RIT2: variants seen among roughly 807,000 people sequenced by gnomAD.
RIT2 encodes the protein Ras like without CAAX 2.
A neutral mutation model predicts 23.7 loss-of-function variants in RIT2; 24 were observed. The ratio of observed to expected loss-of-function variants is 1.01; its 90% CI spans 0.73 to 1.43. The LOEUF (loss-of-function observed/expected upper bound fraction) is 1.43, where lower values mean the gene tolerates loss of function less well. Among genes scored for constraint, RIT2 ranks in the 40% most tolerant of loss-of-function variants. The pLI is 0.00. For synonymous variants in RIT2, 107 were observed against 91.1 expected, an observed-to-expected ratio of 1.17 and a Z score of -0.99; for missense variants, 236 against 266.9, an observed-to-expected ratio of 0.88 and a Z score of 0.81.
chr18:43,039,616 G>A (rs1216827184), intron 1 of RIT2, among the ~76,000 whole-genome samples: 2 of 152,022 alleles, frequency 1.3e-5, no homozygotes, highest in South Asian at 2.1e-4. Context: ...CCAAAATGCT[G>A]GGATTACAGG....
At chr18:43,030,742 A>C (rs146298386) in intron 2 of RIT2, among the ~76,000 whole-genome samples, 1 of 152,216 alleles carries the variant, frequency 6.6e-6, no homozygotes, top group African/African-American at 2.4e-5. Flanking sequence ...TGAGTGGTTT[A>C]ATGTAGAAGT....
intron 4 of RIT2, among the ~76,000 whole-genome samples, chr18:42,772,839 T>C (rs185522792): frequency 5.8e-4 from 89 of 152,266 alleles, no homozygotes; most frequent in Non-Finnish European, 5.1e-4. Flanking sequence ...CCTGGGGTAG[T>C]TGGAAATGAT....
intron 3 of RIT2, among the ~76,000 whole-genome samples, chr18:42,962,254 C>T (rs1270102694): frequency 6.6e-6 from 1 of 152,084 alleles, no homozygotes; most frequent in East Asian, 1.9e-4. Context: ...TTGCATTTTA[C>T]TATTAATGGA....
intron 3 of RIT2, among the ~76,000 whole-genome samples, chr18:42,945,380 G>T (rs1598725532): frequency 6.6e-6 from 1 of 151,650 alleles, no homozygotes; most frequent in East Asian, 1.9e-4. Context: ...TCCCATGTGA[G>T]TGAAAATGTT....
At chr18:42,994,625 G>A (rs557363274) in intron 2 of RIT2, among the ~76,000 whole-genome samples, 1 of 152,210 alleles carries the variant, frequency 6.6e-6, no homozygotes, top group South Asian at 2.1e-4. Flanking sequence ...CACAGCCGAA[G>A]TGCAGGGCTG....
At chr18:42,895,019 G>C (rs1908285851) in intron 4 of RIT2, among the ~76,000 whole-genome samples, 1 of 152,202 alleles carries the variant, frequency 6.6e-6, no homozygotes, top group Non-Finnish European at 1.5e-5. Flanking sequence ...AGTATCAGTA[G>C]AGGGAGAAAG....
chr18:42,898,001 G>A (rs1568024648), intron 4 of RIT2, among the ~76,000 whole-genome samples: 1 of 152,196 alleles, frequency 6.6e-6, no homozygotes, highest in Non-Finnish European at 1.5e-5. Flanking sequence ...AGAGGTAGAG[G>A]AGGGTGAAAT....
chr18:42,924,462 C>T (rs914251743), intron 3 of RIT2, among the ~76,000 whole-genome samples: 11 of 151,802 alleles, frequency 7.2e-5, no homozygotes, highest in Non-Finnish European at 1.2e-4. Flanking sequence ...TACAACTTCT[C>T]GGTGACTGAA....
At chr18:43,075,759 C>T (rs1912999068) in intron 1 of RIT2, among the ~76,000 whole-genome samples, 1 of 152,118 alleles carries the variant, frequency 6.6e-6, no homozygotes, top group South Asian at 2.1e-4. Flanking sequence ...TTCATTCTGG[C>T]TCCCCCTCTT....
intron 4 of RIT2, among the ~76,000 whole-genome samples, chr18:42,804,222 A>G (rs1394661795): frequency 6.6e-6 from 1 of 152,206 alleles, no homozygotes; most frequent in Non-Finnish European, 1.5e-5. Flanking sequence ...TACAAGAAAG[A>G]ACATTCACTC....
intron 3 of RIT2, among the ~76,000 whole-genome samples, chr18:42,950,810 C>T (rs1377018967): frequency 6.6e-6 from 1 of 151,274 alleles, no homozygotes; most frequent in African/African-American, 2.4e-5. Context: ...GAAAAAAATG[C>T]TCCACATCAC....
At chr18:43,058,867 G>A (rs1465980371) in intron 1 of RIT2, among the ~76,000 whole-genome samples, 2 of 151,922 alleles carry the variant, frequency 1.3e-5, no homozygotes, top group East Asian at 1.9e-4. Flanking sequence ...CCAGCCTAAG[G>A]GTACAGAGTG....
chr18:43,102,347 G>C (rs891515317), intron 1 of RIT2, among the ~76,000 whole-genome samples: 9 of 151,954 alleles, frequency 5.9e-5, no homozygotes, highest in African/African-American at 2.2e-4. Flanking sequence ...AGAACCATGG[G>C]GGTAAACAAT....
rs373874872 is a variant in RIT2 at position 42,989,925 on chromosome 18, GA to G, written c.161-15779del. 2.5e-3 allele frequency among the ~76,000 whole-genome samples: 387 copies of G among 152,002 alleles called. 1 individual carries two copies. The highest frequency in any genetic ancestry group is 8.8e-3 in the African/African-American group (364 of 41,444). On this transcript the variant is annotated intron_variant, in intron 2 of 4. Coordinates refer to ENST00000326695, the MANE Select transcript of RIT2 (RefSeq NM_002930.4). Reference sequence around the variant, plus strand: ...CTAGTCAGGGTTATCCAGAGAAACAGAACAAGTAAGATAGATATATGTACAC... The same window carrying G: ...CTAGTCAGGGTTATCCAGAGAAACAGACAAGTAAGATAGATATATGTACAC...
At chr18:42,975,722 C>T (rs2077193629) in intron 2 of RIT2, among the ~76,000 whole-genome samples, 1 of 151,982 alleles carries the variant, frequency 6.6e-6, no homozygotes, top group Admixed American at 6.6e-5. Flanking sequence ...TCTGGGGCTC[C>T]ACTACAGTTT....
At chr18:42,782,907 G>A (rs1385954082) in intron 4 of RIT2, among the ~76,000 whole-genome samples, 1 of 151,994 alleles carries the variant, frequency 6.6e-6, no homozygotes, top group African/African-American at 2.4e-5. Flanking sequence ...ATCATTACTA[G>A]GGAGTCTGGA....
intron 4 of RIT2, among the ~76,000 whole-genome samples, chr18:42,898,578 A>T (rs1259415643): frequency 6.6e-6 from 1 of 152,204 alleles, no homozygotes; most frequent in Non-Finnish European, 1.5e-5. Flanking sequence ...GCACTAAAAT[A>T]ATAAATATTA....
At chr18:42,854,084 T>A (rs1907122219) in intron 4 of RIT2, among the ~76,000 whole-genome samples, 1 of 152,208 alleles carries the variant, frequency 6.6e-6, no homozygotes, top group African/African-American at 2.4e-5. Context: ...TTATTATTCT[T>A]TAAACATTAG....
intron 1 of RIT2, among the ~76,000 whole-genome samples, chr18:43,082,871 G>A (rs1335144962): frequency 6.6e-6 from 1 of 152,176 alleles, no homozygotes; most frequent in Non-Finnish European, 1.5e-5. Flanking sequence ...AGTATTGGAA[G>A]TTCTGGCCAG....
Sources: allele counts gnomAD v4.1 joint callset (sites outside exome capture counted in the v4.1 genomes callset), GRCh38; gene constraint gnomAD v4.1.1; transcripts MANE v1.5; gene names NCBI Gene and HGNC (gene_info 2026-07-23, HGNC 2026-07-21).